Variants in ICA1 observed in about 807,000 individuals in gnomAD.
ICA1 encodes the protein 69 kDa islet cell autoantigen.
In ICA1, 40 loss-of-function variants were observed where a neutral mutation model predicts 71.0. That is an observed-to-expected ratio of 0.56 (90% CI 0.44 to 0.73). The LOEUF is 0.73. Ranked by LOEUF, ICA1 falls within the 30% of genes least tolerant of loss-of-function variation. The pLI, the probability that ICA1 is intolerant of heterozygous loss-of-function variation, is 0.00. For missense variants in ICA1, 578 were observed against 576.5 expected (o/e 1.00, Z -0.03); for synonymous variants, 207 against 209.5 (o/e 0.99, Z 0.10).
chr7:8,214,523 C>T lies in ICA1; in HGVS notation c.579+3782G>A, dbSNP rs115265397. ...ATTATGTATTTGGTCTTGAGAACAG[C>T]TATGTGCAGCCACACTCTCCAGGTA... On this transcript the variant is annotated intron_variant, in intron 6 of 13. Coordinates refer to ENST00000402384, the MANE Select transcript of ICA1 (RefSeq NM_001136020.3). Among the ~76,000 whole-genome samples the T allele has an allele frequency of 4.0e-3, 616 of 152,282 alleles. 5 individuals carry two copies. Among genetic ancestry groups the T allele is most frequent in the African/African-American group, 0.014 (578 of 41,546 alleles).
chr7:8,252,197 T>C (rs1468651013), intron 1 of ICA1, among the ~76,000 whole-genome samples: 1 of 152,200 alleles, frequency 6.6e-6, no homozygotes, highest in Non-Finnish European at 1.5e-5. Flanking sequence ...ACATACAGAT[T>C]TTACTCTGTA....
chr7:8,236,442 A>C (rs983991416), intron 1 of ICA1, among the ~76,000 whole-genome samples: 13 of 152,252 alleles, frequency 8.5e-5, no homozygotes, highest in Non-Finnish European at 1.6e-4. Context: ...AGCAGCTTCA[A>C]GTGCACACAT....
chr7:8,192,076 A>G (rs990412842), intron 6 of ICA1, among the ~76,000 whole-genome samples: 1 of 152,188 alleles, frequency 6.6e-6, no homozygotes, highest in Non-Finnish European at 1.5e-5. Context: ...AATTCAATAT[A>G]TATTTCCTAA....
chr7:8,187,246 CAT>C (rs1205052818), intron 6 of ICA1, among the ~76,000 whole-genome samples: 1 of 152,194 alleles, frequency 6.6e-6, no homozygotes, highest in East Asian at 1.9e-4. Flanking sequence ...TTATATTACA[CAT>C]GAGATGGCCT....
At chr7:8,145,459 C>T (rs2110333) in intron 8 of ICA1, among the ~76,000 whole-genome samples, 105,884 of 151,872 alleles carry the variant, frequency 0.7, 37,767 homozygotes, top group East Asian at 1. Context: ...TTTCAAAGTC[C>T]AGATCAATTA....
chr7:8,238,511 A>G (rs1053690737), intron 1 of ICA1, among the ~76,000 whole-genome samples: 22 of 152,114 alleles, frequency 1.4e-4, no homozygotes, highest in African/African-American at 5.3e-4. Flanking sequence ...AATTTGCAGG[A>G]GTTATTGCAG....
At chr7:8,158,983 T>C (rs1802714957) in intron 6 of ICA1, among the ~76,000 whole-genome samples, 1 of 152,224 alleles carries the variant, frequency 6.6e-6, no homozygotes. Flanking sequence ...AAATCAGCTT[T>C]GCTCCATTGT....
At chr7:8,245,062 A>G (rs544270797) in intron 1 of ICA1, among the ~76,000 whole-genome samples, 1 of 152,334 alleles carries the variant, frequency 6.6e-6, no homozygotes, top group Admixed American at 6.5e-5. Flanking sequence ...ATTACTGGGT[A>G]TATACCCAAA....
chr7:8,221,577 C>T (rs1240088199), intron 4 of ICA1, among the ~76,000 whole-genome samples, 179 bp from the exon 5 acceptor site: 1 of 152,208 alleles, frequency 6.6e-6, no homozygotes, highest in Non-Finnish European at 1.5e-5. Flanking sequence ...TCAGGCTGTT[C>T]TTCCATTTAC....
chr7:8,210,664 G>GCAC (rs1793414868), intron 6 of ICA1, among the ~76,000 whole-genome samples: 1 of 150,762 alleles, frequency 6.6e-6, no homozygotes, highest in Non-Finnish European at 1.5e-5. Flanking sequence ...AAAAATCCCT[G>GCAC]AACACAAAGG....
chr7:8,197,410 G>A (rs530256053), intron 6 of ICA1, among the ~76,000 whole-genome samples: 7 of 151,374 alleles, frequency 4.6e-5, no homozygotes, highest in East Asian at 3.9e-4. Flanking sequence ...AAAATTAGCC[G>A]GGCATGGCGG....
intron 6 of ICA1, among the ~76,000 whole-genome samples, chr7:8,159,677 G>A (rs1456686179): frequency 2.0e-5 from 3 of 152,096 alleles, no homozygotes; most frequent in African/African-American, 7.2e-5. Flanking sequence ...CCCAGCCTGG[G>A]TGACAGTGAG....
Position 8,164,171 on chromosome 7 carries a change from G to A in ICA1, c.580-5519C>T, listed in dbSNP as rs936798682. ...AATACAAAAATTTGATAGTGTGGTG[G>A]TACACGCCTGTAATCCTAGCTACTC... is the stretch of plus-strand genomic sequence containing the variant. On this transcript the variant is annotated intron_variant, in intron 6 of 13. Coordinates refer to ENST00000402384, the MANE Select transcript of ICA1 (RefSeq NM_001136020.3). Among the ~76,000 whole-genome samples, 3 of 152,100 alleles carry A rather than the reference G, an allele frequency of 2.0e-5. No homozygotes were observed. The South Asian group carries it at 6.2e-4, about 32-fold the overall frequency.
intron 2 of ICA1, among the ~76,000 whole-genome samples, chr7:8,233,666 G>T (rs895941758): frequency 9.2e-5 from 14 of 152,088 alleles, no homozygotes; most frequent in African/African-American, 3.1e-4. Flanking sequence ...AAACTGCTGG[G>T]ATTACAGATA....
chr7:8,181,173 G>A (rs1441015553), intron 6 of ICA1, among the ~76,000 whole-genome samples: 1 of 152,046 alleles, frequency 6.6e-6, no homozygotes, highest in Non-Finnish European at 1.5e-5. Flanking sequence ...TGAAATAGGG[G>A]TCGGGTTCCT....
intron 2 of ICA1, among the ~76,000 whole-genome samples, chr7:8,233,787 C>G (rs1256473571): frequency 1.3e-5 from 2 of 152,048 alleles, no homozygotes; most frequent in African/African-American, 4.8e-5. Flanking sequence ...AATAAAATAA[C>G]AATAAAATAA....
At chr7:8,134,097 T>C (rs899427091) in intron 12 of ICA1, among the ~76,000 whole-genome samples, 3 of 152,190 alleles carry the variant, frequency 2.0e-5, no homozygotes, top group South Asian at 2.1e-4. Flanking sequence ...TGTAAAGTGT[T>C]GAGGGTTTCT....
At chr7:8,180,230 C>T (rs548988230) in intron 6 of ICA1, among the ~76,000 whole-genome samples, 2 of 152,018 alleles carry the variant, frequency 1.3e-5, no homozygotes, top group Non-Finnish European at 2.9e-5. Context: ...TCTCTATCAC[C>T]ATGAATTAGT....
chr7:8,199,423 G>A (rs892420008), intron 6 of ICA1, among the ~76,000 whole-genome samples: 4 of 152,246 alleles, frequency 2.6e-5, no homozygotes, highest in Admixed American at 2.0e-4. Flanking sequence ...AAAAGAATGA[G>A]TTCCTGGCCA....
Sources: allele counts gnomAD v4.1 joint callset (sites outside exome capture counted in the v4.1 genomes callset), GRCh38; gene constraint gnomAD v4.1.1; transcripts MANE v1.5; gene names NCBI Gene and HGNC (gene_info 2026-07-23, HGNC 2026-07-21).